Variants in SRRM2 observed in about 807,000 individuals in gnomAD.
SRRM2 encodes serine/arginine repetitive matrix protein 2.
SRRM2 carries 30 observed loss-of-function variants against 213.8 expected under a neutral mutation model. The ratio of observed to expected loss-of-function variants is 0.14; its 90% CI spans 0.10 to 0.19. The LOEUF (loss-of-function observed/expected upper bound fraction) is 0.19, where lower values mean the gene tolerates loss of function less well. Among genes scored for constraint, SRRM2 ranks in the 10% least tolerant of loss-of-function variants. The pLI is 1.00. For synonymous variants in SRRM2, 2,025 were observed against 1,377.7 expected, an observed-to-expected ratio of 1.47 and a Z score of -10.40; for missense variants, 4,904 against 3,647.0, an observed-to-expected ratio of 1.34 and a Z score of -8.88.
chr16:2,759,272 A>C, intron 7 of SRRM2, 80 bp from the exon 8 acceptor site: 3 of 1,605,710 alleles, frequency 1.9e-6, no homozygotes, highest in Non-Finnish European at 2.5e-6. Flanking sequence ...TTGTGTCAAC[A>C]CTCCCTCTTT....
intron 11 of SRRM2, 41 bp from the exon 12 acceptor site, chr16:2,768,956 G>T: frequency 6.2e-7 from 1 of 1,605,792 alleles, no homozygotes. Flanking sequence ...GGTTGGGGCT[G>T]GGGCAGCTTG....
At position 2,765,264 on chromosome 16, in the gene SRRM2, C is replaced by T. The variant is rs763174307; in HGVS notation, c.4736C>T (p.Ser1579Phe). 1 of 1,614,072 alleles carries T rather than the reference C, an allele frequency of 6.2e-7. No homozygotes were observed. The highest frequency in any genetic ancestry group is 1.1e-5 in the South Asian group (1 of 91,084). The change falls in exon 11 of 15, where the codon TCT (serine) becomes TTT (phenylalanine). Residue 1579 changes from serine to phenylalanine, a missense_variant. Transcript: ENST00000301740. ...ACCCCACTTCGGCAGAGGAGTCGGTCTGGATCATCTCCAGAGGTTGACAGC... is the reference window on the plus strand; with the variant it reads ...ACCCCACTTCGGCAGAGGAGTCGGTTTGGATCATCTCCAGAGGTTGACAGC... ...TRTPLRQRSRSGSSPEVDSKS... is the reference protein window; with the variant it reads ...TRTPLRQRSRFGSSPEVDSKS...
chr16:2,770,839 C>G lies in SRRM2; in HGVS notation c.8250-19C>G. ...GGCTGGGGTGGGAACTCCCTGTTGA[C>G]CCATATCTTCTCTTGCAGGTCTCCA... On this transcript the variant is annotated intron_variant, in intron 14 of 14. Transcript: ENST00000301740. 2 of 1,614,004 alleles carry G rather than the reference C, an allele frequency of 1.2e-6. No homozygotes were observed. Among genetic ancestry groups the G allele is most frequent in the South Asian group, 2.2e-5 (2 of 91,002 alleles).
At chr16:2,769,711 TC>T (rs899205628) in intron 12 of SRRM2, 1 of 479,066 alleles carries the variant, frequency 2.1e-6, no homozygotes, top group Non-Finnish European at 4.1e-6. Context: ...TCTGGCTACT[TC>T]CCTCCACTCC....
rs1388504763 is a variant in SRRM2 at position 2,765,984 on chromosome 16, G to C, written c.5456G>C (p.Gly1819Ala). Residue 1819 changes from glycine (G) to alanine (A), a missense_variant, in exon 11 of 15, where the codon GGT becomes GCT. Physicochemically the swap from Gly to Ala is moderately conservative, Grantham distance 60. Transcript: ENST00000301740. Reference sequence around the variant, plus strand: ...ACTCGGCGGCGGAGGGGAGGCTCTGGTTATCACTCAAGGTCACCTGCCCGG... The same window carrying C: ...ACTCGGCGGCGGAGGGGAGGCTCTGCTTATCACTCAAGGTCACCTGCCCGG... ...RVTRRRRGGS[G>A]YHSRSPARQE... The C allele has an allele frequency of 8.1e-6, 13 of 1,613,990 alleles. No homozygotes were observed. The highest frequency in any genetic ancestry group is 1.0e-5 in the Non-Finnish European group (12 of 1,180,016).
rs1596297233 is a variant in SRRM2, at chr16:2,770,085, G to C, written c.8022-267G>C. ...ATCCAGCCCTGCTTCCCACACACGG[G>C]GCCGTGCGTGCCTTTCTTCACCACT... On this transcript the variant is annotated intron_variant, in intron 12 of 14. Transcript: ENST00000301740. 3.1e-6 allele frequency: 4 copies of C among 1,298,580 alleles called. No homozygotes were observed. In the East Asian group the frequency reaches 1.1e-4, roughly 36 times the overall value. The allele number at this position is 1,298,580 out of a possible 1,614,324, so 80.4% of individuals were successfully genotyped here.
At position 2,767,548 on chromosome 16, in the gene SRRM2, T is replaced by G; in HGVS notation, c.7020T>G (p.Gly2340=). 1 of 1,614,062 alleles carries G rather than the reference T, an allele frequency of 6.2e-7. No homozygotes were observed. Among genetic ancestry groups the G allele is most frequent in the Non-Finnish European group, 8.5e-7 (1 of 1,180,014 alleles). ...PQAPASANLV[G]PRSAHATAPV... ...CTCCAGCCTCTGCAAACCTGGTGGGTCCTCGGTCTGCACATGCCACAGCTC... is the reference window on the plus strand; with the variant it reads ...CTCCAGCCTCTGCAAACCTGGTGGGGCCTCGGTCTGCACATGCCACAGCTC... Residue 2340 remains glycine, a synonymous_variant, in exon 11 of 15, where the codon GGT becomes GGG. Coordinates refer to ENST00000301740, the MANE Select transcript of SRRM2 (RefSeq NM_016333.4).
At position 2,761,904 on chromosome 16, in the gene SRRM2, C is replaced by A. The variant is rs774179580; in HGVS notation, c.1376C>A (p.Ser459Tyr). 4 of 1,613,712 alleles carry A rather than the reference C, an allele frequency of 2.5e-6. No homozygotes were observed. The highest frequency in any genetic ancestry group is 3.4e-6 in the Non-Finnish European group (4 of 1,180,026). The change falls in exon 11 of 15, where the codon TCT becomes TAT. Residue 459 changes from serine to tyrosine, a missense_variant. Transcript: ENST00000301740. ...SHREISSSPT[S>Y]KNRSHGRAKR... ...CGAGAGATTTCTTCTTCTCCCACATCTAAGAATCGCTCACATGGCCGAGCA... is the reference window on the plus strand; with the variant it reads ...CGAGAGATTTCTTCTTCTCCCACATATAAGAATCGCTCACATGGCCGAGCA...
Position 2,761,744 on chromosome 16 carries a change from C to G in SRRM2, c.1216C>G (p.Pro406Ala). The change falls in exon 11 of 15, where the codon CCT (proline) becomes GCT (alanine). Residue 406 changes from proline to alanine, a missense_variant. By Grantham distance (27) the Pro-to-Ala change is conservative. Coordinates refer to ENST00000301740, the MANE Select transcript of SRRM2 (RefSeq NM_016333.4). ...EASPTRDRSP[P>A]KSPEKLPQSS... ...CTCTCCAACTCGGGACCGTTCACCA[C>G]CTAAGTCTCCCGAGAAACTTCCCCA... 15 of 1,612,566 alleles carry G rather than the reference C, an allele frequency of 9.3e-6. No individual in the cohort carries two copies. The highest frequency in any genetic ancestry group is 1.3e-5 in the Non-Finnish European group (15 of 1,179,090).
chr16:2,770,288 T>C, intron 12 of SRRM2, 64 bp from the exon 13 acceptor site: 2 of 1,497,308 alleles, frequency 1.3e-6, no homozygotes, highest in Non-Finnish European at 1.8e-6. Flanking sequence ...GGGCGGGTGG[T>C]CCTGAGTGCT....
rs369678142 is a variant in SRRM2, at chr16:2,766,486, A to G, written c.5958A>G (p.Thr1986=). 6.8e-6 allele frequency: 11 copies of G among 1,613,904 alleles called. No individual in the cohort carries two copies. The South Asian group carries it at 8.8e-5, about 13-fold the overall frequency. The change falls in exon 11 of 15, where the codon ACA becomes ACG. Residue 1986 remains threonine, a synonymous_variant. Coordinates refer to ENST00000301740, the MANE Select transcript of SRRM2 (RefSeq NM_016333.4). This position sits in a 1 kb window ranked among gnomAD's most constrained non-coding sequence, Gnocchi z 7.0. The part of the protein sequence containing the change: ...PITRRRSRSR[T]SPVTRRRSRS... ...CTCGCAGAAGATCAAGATCCAGAAC[A>G]TCTCCGGTCACCCGAAGGAGATCTC...
intron 10 of SRRM2, 29 bp downstream of exon 10, chr16:2,760,528 G>A (rs1187067695): frequency 6.2e-7 from 1 of 1,610,628 alleles, no homozygotes; most frequent in East Asian, 2.2e-5. Flanking sequence ...GATGTTCATT[G>A]GATTGCAAAT....
Position 2,764,812 on chromosome 16 carries a change from A to T in SRRM2, c.4284A>T (p.Lys1428Asn). 1 of 1,614,186 alleles carries T rather than the reference A, an allele frequency of 6.2e-7. No individual in the cohort carries two copies. Among genetic ancestry groups the T allele is most frequent in the Non-Finnish European group, 8.5e-7 (1 of 1,180,034 alleles). The change falls in exon 11 of 15, where the codon AAA becomes AAT. Residue 1428 changes from lysine to asparagine, a missense_variant. Lys to Asn is a moderately conservative substitution (Grantham distance 94, BLOSUM62 0). Transcript: ENST00000301740. ...RSSSASSPEM[K>N]DGLPRTPSRR... ...GTTCTGCATCTTCTCCTGAAATGAA[A>T]GATGGTTTACCCAGAACTCCATCAA...
At chr16:2,768,284 A>G in intron 11 of SRRM2, 23 bp downstream of exon 11, 1 of 1,524,180 alleles carries the variant, frequency 6.6e-7, no homozygotes. Flanking sequence ...GACTTTTAGA[A>G]ATCTTCAGTG....
Position 2,771,349 on chromosome 16 carries a change from G to A in SRRM2, c.*482G>A, listed in dbSNP as rs759588581. On this transcript the variant is annotated 3_prime_UTR_variant, in exon 15 of 15. Coordinates refer to ENST00000301740, the MANE Select transcript of SRRM2 (RefSeq NM_016333.4). ...TTTCATGTTTCTTAAAGGCATTTTG[G>A]TTTTTTAAAATCTGTACAGCAAGAG... 4.5e-6 allele frequency: 7 copies of A among 1,564,586 alleles called. No homozygotes were observed. In the South Asian group the frequency reaches 7.8e-5, roughly 17 times the overall value.
chr16:2,755,831 TG>T (rs2150770546), intron 1 of SRRM2, among the ~76,000 whole-genome samples: 1 of 152,280 alleles, frequency 6.6e-6, no homozygotes, highest in East Asian at 1.9e-4. Context: ...GGTAAGTTTT[TG>T]GGAGAGTCTT....
chr16:2,754,340 C>A (rs942923924), intron 1 of SRRM2, among the ~76,000 whole-genome samples: 115 of 151,866 alleles, frequency 7.6e-4, no homozygotes, highest in African/African-American at 2.7e-3. Flanking sequence ...GTTGGCAGGC[C>A]GGAGTGCAGT....
At chr16:2,754,286 C>T (rs1268976076) in intron 1 of SRRM2, among the ~76,000 whole-genome samples, 1 of 151,428 alleles carries the variant, frequency 6.6e-6, no homozygotes, top group Non-Finnish European at 1.5e-5. Flanking sequence ...TTAGCACCTA[C>T]TGGTTTTTCT....
At position 2,753,065 on chromosome 16, in the gene SRRM2, G is replaced by A. The variant is rs891664729; in HGVS notation, c.-32+219G>A. 8.1e-5 allele frequency among the ~76,000 whole-genome samples: 11 copies of A among 135,760 alleles called. No homozygotes were observed. In the East Asian group the frequency reaches 2.3e-3, roughly 28 times the overall value. 89.1% of individuals were successfully genotyped at this position (135,760 alleles called of 152,430 possible). ...CCCCCCGCCCCTCCCCCATGACAAC[G>A]GCGTTCGCAGCCGCCTGTACTCGGG... On this transcript the variant is annotated intron_variant, in intron 1 of 14. Transcript: ENST00000301740.
Sources: gnomAD v4.1 joint callset for allele counts (sites outside exome capture counted in the v4.1 genomes callset) on GRCh38, gnomAD v4.1.1 for gene constraint, Gnocchi (gnomAD v3.1) non-coding constraint, MANE v1.5 for transcripts, NCBI Gene and HGNC (gene_info 2026-07-23, HGNC 2026-07-21) for gene names.